Variants in TYW1B observed in about 807,000 individuals in gnomAD.
TYW1B encodes the protein tRNA-yW synthesizing protein 1 homolog B.
In TYW1B, 73 loss-of-function variants were observed where a neutral mutation model predicts 86.9. That is an observed-to-expected ratio of 0.84 (90% CI 0.70 to 1.02). The LOEUF (loss-of-function observed/expected upper bound fraction) is 1.02, where lower values mean the gene tolerates loss of function less well. Ranked by LOEUF, TYW1B falls within the 50% of genes least tolerant of loss-of-function variation. TYW1B has a pLI of 0.00. For missense variants in TYW1B, 637 were observed against 827.4 expected, an observed-to-expected ratio of 0.77 and a Z score of 2.82; for synonymous variants, 248 against 292.8, an observed-to-expected ratio of 0.85 and a Z score of 1.56.
intron 11 of TYW1B, among the ~76,000 whole-genome samples, chr7:72,682,963 C>T (rs1813913148): frequency 6.6e-6 from 1 of 152,200 alleles, no homozygotes; most frequent in African/African-American, 2.4e-5. Context: ...AGTGAATATA[C>T]AGGGGGAAAT....
intron 11 of TYW1B, among the ~76,000 whole-genome samples, chr7:72,652,097 G>A (rs1246045548): frequency 1.3e-5 from 2 of 152,128 alleles, no homozygotes; most frequent in Non-Finnish European, 1.5e-5. Flanking sequence ...AATGTTTGGG[G>A]CCGGGCGTGG....
At chr7:72,643,562 G>C (rs1259588109) in intron 11 of TYW1B, among the ~76,000 whole-genome samples, 2 of 151,624 alleles carry the variant, frequency 1.3e-5, no homozygotes, top group East Asian at 3.8e-4. Context: ...ACTCCAGCCT[G>C]GGCAACAGAG....
At chr7:72,620,656 G>T (rs558406422) in intron 12 of TYW1B, among the ~76,000 whole-genome samples, 1 of 152,080 alleles carries the variant, frequency 6.6e-6, no homozygotes, top group Non-Finnish European at 1.5e-5. Flanking sequence ...CTGATGGCTT[G>T]CCCTGACTTT....
intron 13 of TYW1B, among the ~76,000 whole-genome samples, chr7:72,589,697 T>C (rs559941149): frequency 6.6e-6 from 1 of 152,136 alleles, no homozygotes; most frequent in South Asian, 2.1e-4. Flanking sequence ...ACCAACATGG[T>C]GAAACCCCAT....
intron 9 of TYW1B, among the ~76,000 whole-genome samples, chr7:72,723,732 C>T (rs1465939913): frequency 3.9e-5 from 6 of 152,152 alleles, no homozygotes; most frequent in African/African-American, 1.2e-4. Context: ...TATGATCATG[C>T]CATTGCATTC....
intron 9 of TYW1B, 111 bp downstream of exon 9, chr7:72,728,711 A>T: frequency 9.6e-7 from 1 of 1,044,736 alleles, no homozygotes; most frequent in Non-Finnish European, 1.4e-6. Flanking sequence ...ACTTCCTTAG[A>T]GGAAAATTTG....
chr7:72,681,476 G>A (rs1554448453), intron 11 of TYW1B, among the ~76,000 whole-genome samples: 3 of 152,216 alleles, frequency 2.0e-5, no homozygotes, highest in African/African-American at 4.8e-5. Flanking sequence ...TGGGAGGGGA[G>A]GGAAGGAGTT....
intron 9 of TYW1B, among the ~76,000 whole-genome samples, chr7:72,721,004 T>C (rs1462039899): frequency 6.6e-6 from 1 of 151,462 alleles, no homozygotes; most frequent in Non-Finnish European, 1.5e-5. Context: ...CGGTGTTTGG[T>C]TTTCTGTCCT....
intron 6 of TYW1B, among the ~76,000 whole-genome samples, 191 bp downstream of exon 6, chr7:72,802,209 T>C (rs1393563665): frequency 2.0e-5 from 3 of 152,098 alleles, no homozygotes; most frequent in African/African-American, 4.8e-5. Context: ...ATGAGCTGAC[T>C]TTCACAGGCC....
Position 72,703,118 on chromosome 7 carries a change from G to A in TYW1B, c.1371-8296C>T, listed in dbSNP as rs568680516. On this transcript the variant is annotated intron_variant, in intron 10 of 13. Coordinates refer to ENST00000620995, the MANE Select transcript of TYW1B (RefSeq NM_001145440.3). The stretch of plus-strand genomic sequence containing the variant: ...CGGCTCACTGCAAGCTCTGCCTCCC[G>A]GGTTCCCGCCATACTCCTGCCTCAG... Among the ~76,000 whole-genome samples the A allele has an allele frequency of 8.5e-4, 127 of 149,224 alleles. 1 individual carries two copies. The highest frequency in any genetic ancestry group is 2.5e-3 in the African/African-American group (103 of 40,540).
intron 11 of TYW1B, among the ~76,000 whole-genome samples, chr7:72,682,179 A>G (rs1461816054): frequency 1.3e-5 from 2 of 152,064 alleles, no homozygotes; most frequent in African/African-American, 4.8e-5. Context: ...CACATAGCCT[A>G]TAATTACTTA....
intron 11 of TYW1B, among the ~76,000 whole-genome samples, chr7:72,679,738 A>C (rs1306935682): frequency 6.6e-6 from 1 of 152,206 alleles, no homozygotes; most frequent in Non-Finnish European, 1.5e-5. Context: ...AAGTTGCATA[A>C]GGATACATAT....
At position 72,805,307 on chromosome 7, in the gene TYW1B, C is replaced by G. The variant is rs191490327; in HGVS notation, c.723+1759G>C. 4.2e-3 allele frequency among the ~76,000 whole-genome samples: 619 copies of G among 146,134 alleles called. 3 individuals carry two copies. The highest frequency in any genetic ancestry group is 7.1e-3 in the Admixed American group (101 of 14,286). On this transcript the variant is annotated intron_variant, in intron 5 of 13. Transcript: ENST00000620995. ...GATTACAGGCGTGAGCCACCACGCC[C>G]GGCCAGATCAAAAGAATTTTAAAGG...
chr7:72,705,978 CA>C (rs1814600007), intron 10 of TYW1B, among the ~76,000 whole-genome samples: 1 of 152,174 alleles, frequency 6.6e-6, no homozygotes, highest in South Asian at 2.1e-4. Flanking sequence ...TCTAGGACTG[CA>C]AAGCTGAATG....
chr7:72,719,631 CAAAAA>C (rs67560586), intron 9 of TYW1B, among the ~76,000 whole-genome samples: 755 of 65,080 alleles, frequency 0.012, 10 homozygotes, highest in African/African-American at 0.042. Flanking sequence ...ATTCCGTCTC[CAAAAA>C]AAAAAAAAAA....
At chr7:72,774,227 A>T (rs1365544194) in intron 7 of TYW1B, among the ~76,000 whole-genome samples, 5 of 152,104 alleles carry the variant, frequency 3.3e-5, no homozygotes, top group African/African-American at 1.2e-4. Flanking sequence ...CTAAAGATGC[A>T]CAAGGCATTA....
At chr7:72,599,198 GGACTTATTCCAGGTATGGAA>G (rs1319484087) in intron 13 of TYW1B, among the ~76,000 whole-genome samples, 1 of 151,972 alleles carries the variant, frequency 6.6e-6, no homozygotes, top group Non-Finnish European at 1.5e-5. Flanking sequence ...TGACCAAGTG[GGACTTATTCCAGGTATGGAA>G]GACTGGTTCA....
chr7:72,731,157 G>C (rs1554459851), intron 8 of TYW1B, among the ~76,000 whole-genome samples: 2 of 136,894 alleles, frequency 1.5e-5, no homozygotes, highest in Non-Finnish European at 3.1e-5. Flanking sequence ...AGACCACCAA[G>C]CAAAACTATC....
chr7:72,807,065 C>T lies in TYW1B; in HGVS notation c.723+1G>A. Reference sequence around the variant, plus strand: ...AAGAGATGAACACACAGGCGGTATACCTTGGTGTCTCTGTGATGCAATTCG... The same window carrying T: ...AAGAGATGAACACACAGGCGGTATATCTTGGTGTCTCTGTGATGCAATTCG... On this transcript the variant is annotated splice_donor_variant, in intron 5 of 13. Transcript: ENST00000620995. LOFTEE classifies it high-confidence loss of function. 6.2e-7 allele frequency: 1 copy of T among 1,613,426 alleles called. No homozygotes were observed. Among genetic ancestry groups the T allele is most frequent in the Non-Finnish European group, 8.5e-7 (1 of 1,179,542 alleles).
Sources: gnomAD v4.1 joint callset for allele counts (sites outside exome capture counted in the v4.1 genomes callset) on GRCh38, gnomAD v4.1.1 for gene constraint, MANE v1.5 for transcripts, NCBI Gene and HGNC (gene_info 2026-07-23, HGNC 2026-07-21) for gene names.